Variants in RPS6KA2 observed in about 807,000 individuals in gnomAD.
The protein encoded by RPS6KA2 is ribosomal protein S6 kinase A2.
In RPS6KA2, 42 loss-of-function variants were observed where a neutral mutation model predicts 91.8. That is an observed-to-expected ratio of 0.46 (90% CI 0.36 to 0.59). The LOEUF is 0.59. RPS6KA2 is among the 20% of genes least tolerant of loss of function. RPS6KA2 has a pLI of 0.00. For missense variants in RPS6KA2, 798 were observed against 978.5 expected (o/e 0.82, Z 2.46); for synonymous variants, 414 against 393.6 (o/e 1.05, Z -0.61).
intron 3 of RPS6KA2, among the ~76,000 whole-genome samples, chr6:166,513,409 T>C (rs915324617): frequency 6.6e-6 from 1 of 152,240 alleles, no homozygotes; most frequent in African/African-American, 2.4e-5. Flanking sequence ...AGGTCCTTCT[T>C]CTGCCTCAAC....
chr6:166,717,854 CT>C (rs11410957), intron 2 of RPS6KA2, among the ~76,000 whole-genome samples: 437 of 145,310 alleles, frequency 3.0e-3, no homozygotes, highest in African/African-American at 5.4e-3. Flanking sequence ...TCTTTTCTTT[CT>C]TTTTTTTTTT....
intron 3 of RPS6KA2, among the ~76,000 whole-genome samples, chr6:166,518,632 G>T (rs1782743321): frequency 6.6e-6 from 1 of 152,172 alleles, no homozygotes. Context: ...GACTCCCCAG[G>T]CACAATGTGG....
intron 1 of RPS6KA2, among the ~76,000 whole-genome samples, chr6:166,561,613 G>A (rs1784347217): frequency 2.6e-5 from 4 of 151,892 alleles, no homozygotes; most frequent in African/African-American, 7.3e-5. Context: ...CAGGCAAGAC[G>A]GCTGAAGGGG....
intron 2 of RPS6KA2, among the ~76,000 whole-genome samples, chr6:166,797,186 T>C (rs753022825): frequency 2.0e-5 from 3 of 152,222 alleles, no homozygotes; most frequent in Non-Finnish European, 4.4e-5. Context: ...TCAGGCACTC[T>C]GCGTCCCAGG....
rs369967945 is a variant in RPS6KA2 at position 166,495,455 on chromosome 6, G to A, written c.747+3053C>T. Among the ~76,000 whole-genome samples the A allele has an allele frequency of 3.3e-5, 5 of 152,126 alleles. No individual in the cohort carries two copies. The East Asian group carries it at 7.7e-4, about 23-fold the overall frequency. Reference sequence around the variant, plus strand: ...AGAGTGCCTGCTGTGTTGACGTGCCGGGCAGCGCTGGGCCAGGCCTCCTTC... The same window carrying A: ...AGAGTGCCTGCTGTGTTGACGTGCCAGGCAGCGCTGGGCCAGGCCTCCTTC... On this transcript the variant is annotated intron_variant, in intron 8 of 20. Transcript: ENST00000265678. This position sits in a 1 kb window ranked among gnomAD's most constrained non-coding sequence, Gnocchi z 4.4.
chr6:166,449,964 A>G (rs1418960089), intron 13 of RPS6KA2, among the ~76,000 whole-genome samples: 1 of 151,098 alleles, frequency 6.6e-6, no homozygotes, highest in Non-Finnish European at 1.5e-5. Context: ...TACAGGGACC[A>G]CCATGGAGAC....
At chr6:166,840,234 A>T (rs1187675320) in intron 2 of RPS6KA2, among the ~76,000 whole-genome samples, 1 of 152,036 alleles carries the variant, frequency 6.6e-6, no homozygotes, top group Admixed American at 6.6e-5. Flanking sequence ...CCTGGGCACC[A>T]AGTTCCTGCA....
chr6:166,778,312 A>G (rs11968816), intron 2 of RPS6KA2, among the ~76,000 whole-genome samples: 1,907 of 152,342 alleles, frequency 0.013, 35 homozygotes, highest in African/African-American at 0.04. Context: ...GATCAACCTC[A>G]TACCATATAT....
At chr6:166,621,933 C>A (rs991976067) in intron 1 of RPS6KA2, among the ~76,000 whole-genome samples, 2 of 152,196 alleles carry the variant, frequency 1.3e-5, no homozygotes, top group African/African-American at 4.8e-5. Flanking sequence ...ACTTCTCCCA[C>A]CCACTATTAA....
At chr6:166,623,283 G>A (rs1032218540) in intron 1 of RPS6KA2, among the ~76,000 whole-genome samples, 14 of 151,538 alleles carry the variant, frequency 9.2e-5, no homozygotes, top group Non-Finnish European at 1.5e-4. Context: ...TAGTTTAAAT[G>A]TACATTCCCT....
rs148020842 is a variant in RPS6KA2 at position 166,836,343 on chromosome 6, G to C, written c.123+21857C>G. On this transcript the variant is annotated intron_variant, in intron 2 of 21. Coordinates refer to the RPS6KA2 transcript ENST00000503859. Reference sequence around the variant, plus strand: ...ATATTTCTTCCTTAAATGTTCGATAGAATTCACTAGTGAATTCAATTAGTC... The same window carrying C: ...ATATTTCTTCCTTAAATGTTCGATACAATTCACTAGTGAATTCAATTAGTC... Among the ~76,000 whole-genome samples the C allele has an allele frequency of 6.6e-5, 10 of 152,226 alleles. No homozygotes were observed. In the East Asian group the frequency reaches 1.9e-3, roughly 29 times the overall value.
chr6:166,844,188 A>C (rs923126377), intron 2 of RPS6KA2, among the ~76,000 whole-genome samples: 7 of 152,144 alleles, frequency 4.6e-5, no homozygotes, highest in Admixed American at 3.9e-4. Context: ...GCTCAAAGAC[A>C]AGGCTTTCGA....
intron 1 of RPS6KA2, among the ~76,000 whole-genome samples, chr6:166,609,810 A>C (rs1786102543): frequency 1.3e-5 from 2 of 152,126 alleles, no homozygotes; most frequent in African/African-American, 2.4e-5. Context: ...TAAAAGTTTA[A>C]TTTTATTTAG....
At chr6:166,638,484 T>C (rs1429830302) in intron 2 of RPS6KA2, among the ~76,000 whole-genome samples, 1 of 152,240 alleles carries the variant, frequency 6.6e-6, no homozygotes, top group Non-Finnish European at 1.5e-5. Flanking sequence ...GAATTACATA[T>C]AGCTGAGCAC....
chr6:166,613,353 C>T (rs370684137), intron 1 of RPS6KA2, among the ~76,000 whole-genome samples: 5 of 152,200 alleles, frequency 3.3e-5, no homozygotes, highest in East Asian at 1.9e-4. Flanking sequence ...TGCAGTATAA[C>T]GAGAAACATG....
chr6:166,840,172 G>T (rs1780431108), intron 2 of RPS6KA2, among the ~76,000 whole-genome samples: 1 of 152,090 alleles, frequency 6.6e-6, no homozygotes, highest in Non-Finnish European at 1.5e-5. Context: ...CTGTGGTCTT[G>T]CTCCTTGATC....
At position 166,418,474 on chromosome 6, in the gene RPS6KA2, G is replaced by A; in HGVS notation, c.1821-132C>T. ...TTCTCCCTCCTCTGCTCTGAAGCCA[G>A]GATTCATGGGAAAGCGGAACTTACC... is the stretch of plus-strand genomic sequence containing the variant. On this transcript the variant is annotated intron_variant, in intron 18 of 20. Transcript: ENST00000265678. This position sits in a 1 kb window ranked among gnomAD's most constrained non-coding sequence, Gnocchi z 4.9. The A allele has an allele frequency of 1.4e-6, 1 of 710,820 alleles. No homozygotes were observed. 44.0% of individuals were successfully genotyped at this position (710,820 alleles called of 1,614,324 possible).
chr6:166,807,049 C>A (rs757255540), intron 2 of RPS6KA2, among the ~76,000 whole-genome samples: 1 of 152,016 alleles, frequency 6.6e-6, no homozygotes, highest in East Asian at 1.9e-4. Flanking sequence ...CTATAAAAAT[C>A]AACTAAACAC....
chr6:166,858,129 T>C (rs757269274), intron 2 of RPS6KA2: 3 of 900,886 alleles, frequency 3.3e-6, no homozygotes, highest in Non-Finnish European at 1.9e-6. Flanking sequence ...AAACTTCCAT[T>C]TCCCCCTTCA....
Sources: allele counts gnomAD v4.1 joint callset (sites outside exome capture counted in the v4.1 genomes callset), GRCh38; gene constraint gnomAD v4.1.1; non-coding constraint Gnocchi (gnomAD v3.1); transcripts MANE v1.5; gene names NCBI Gene and HGNC (gene_info 2026-07-23, HGNC 2026-07-21).